The following ESRRG variants were observed in gnomAD, a reference collection of about 807,000 sequenced individuals.
ESRRG encodes the protein estrogen related receptor gamma, also known as estrogen-related receptor gamma.
Under a neutral mutation model 44.0 loss-of-function variants are expected in ESRRG, and 13 were observed. The ratio of observed to expected loss-of-function variants is 0.30; its 90% CI spans 0.19 to 0.47. The LOEUF (loss-of-function observed/expected upper bound fraction) is 0.47, where lower values mean the gene tolerates loss of function less well. Among genes scored for constraint, ESRRG ranks in the 20% least tolerant of loss-of-function variants. The pLI is 1.00. For synonymous variants in ESRRG, 215 were observed against 214.6 expected, an observed-to-expected ratio of 1.00 and a Z score of -0.02; for missense variants, 395 against 580.6, an observed-to-expected ratio of 0.68 and a Z score of 3.29.
At chr1:216,549,836 C>T (rs893986729) in intron 5 of ESRRG, among the ~76,000 whole-genome samples, 1 of 152,028 alleles carries the variant, frequency 6.6e-6, no homozygotes, top group African/African-American at 2.4e-5. Flanking sequence ...CTGAAGAGTT[C>T]TTGATTGTTT....
At chr1:217,125,631 C>T (rs2092879532) in intron 1 of ESRRG, among the ~76,000 whole-genome samples, 1 of 152,100 alleles carries the variant, frequency 6.6e-6, no homozygotes, top group Non-Finnish European at 1.5e-5. Context: ...CCCAAAGAAC[C>T]AGCTTTGTAA....
intron 1 of ESRRG, among the ~76,000 whole-genome samples, chr1:216,964,880 A>ACAGCC (rs1161165107): frequency 1.3e-5 from 2 of 152,202 alleles, no homozygotes; most frequent in Non-Finnish European, 2.9e-5. Flanking sequence ...ATGAATCTTC[A>ACAGCC]TAGCCTCATT....
intron 2 of ESRRG, among the ~76,000 whole-genome samples, chr1:216,810,595 A>T (rs1311189326): frequency 6.8e-6 from 1 of 147,574 alleles, no homozygotes; most frequent in African/African-American, 2.5e-5. Flanking sequence ...TTATATATAT[A>T]ATATATATAT....
At chr1:216,703,657 A>G (rs1298209407) in intron 1 of ESRRG, among the ~76,000 whole-genome samples, 2 of 78,288 alleles carry the variant, frequency 2.6e-5, no homozygotes, top group East Asian at 1.2e-3. Flanking sequence ...AAAGCTGGAT[A>G]GATGTGTGTG....
At chr1:216,599,305 C>T (rs2058869825) in intron 3 of ESRRG, among the ~76,000 whole-genome samples, 1 of 152,078 alleles carries the variant, frequency 6.6e-6, no homozygotes, top group Non-Finnish European at 1.5e-5. Context: ...AGTATATGTC[C>T]TAACATCTCA....
At chr1:217,107,165 G>A (rs78581549) in intron 1 of ESRRG, among the ~76,000 whole-genome samples, 12,683 of 152,262 alleles carry the variant, frequency 0.083, 724 homozygotes, top group Middle Eastern at 0.13. Flanking sequence ...AAGAAAAAAA[G>A]TGAAATTTGC....
At chr1:216,597,852 G>A (rs2058662896) in intron 3 of ESRRG, among the ~76,000 whole-genome samples, 1 of 152,072 alleles carries the variant, frequency 6.6e-6, no homozygotes, top group South Asian at 2.1e-4. Context: ...ATAAATGAAG[G>A]GGACAGAAAA....
At chr1:217,098,696 C>A (rs1253307216) in intron 1 of ESRRG, among the ~76,000 whole-genome samples, 1 of 152,202 alleles carries the variant, frequency 6.6e-6, no homozygotes, top group African/African-American at 2.4e-5. Context: ...AAACAGGTTC[C>A]TTTCCAGCAG....
chr1:216,933,977 C>T (rs767669971), intron 2 of ESRRG, among the ~76,000 whole-genome samples: 10 of 152,120 alleles, frequency 6.6e-5, no homozygotes, highest in African/African-American at 1.2e-4. Context: ...GTTCCTTGCC[C>T]GATTCTGTTA....
intron 3 of ESRRG, among the ~76,000 whole-genome samples, chr1:216,576,176 A>T (rs961054643): frequency 4.6e-5 from 7 of 151,936 alleles, no homozygotes; most frequent in African/African-American, 1.7e-4. Flanking sequence ...TTTTCCACTA[A>T]ACTCCCCCAG....
At chr1:216,586,941 C>A (rs1353783770) in intron 3 of ESRRG, among the ~76,000 whole-genome samples, 1 of 152,034 alleles carries the variant, frequency 6.6e-6, no homozygotes, top group African/African-American at 2.4e-5. Flanking sequence ...GACATTTTAT[C>A]CTCCTTGAAA....
chr1:216,696,997 A>C (rs1331492642), intron 1 of ESRRG, among the ~76,000 whole-genome samples: 1 of 150,804 alleles, frequency 6.6e-6, no homozygotes, highest in African/African-American at 2.4e-5. Context: ...ACAGAGTCTC[A>C]CTCTGTTGCC....
intron 1 of ESRRG, among the ~76,000 whole-genome samples, chr1:216,944,002 A>T (rs2065685653): frequency 6.6e-6 from 1 of 152,346 alleles, no homozygotes; most frequent in South Asian, 2.1e-4. Flanking sequence ...GATATAATCT[A>T]TGTGATGCAT....
At chr1:217,135,933 G>A (rs1294312994) in intron 1 of ESRRG, among the ~76,000 whole-genome samples, 1 of 152,138 alleles carries the variant, frequency 6.6e-6, no homozygotes, top group African/African-American at 2.4e-5. Flanking sequence ...TTCTGGGGAC[G>A]ACCTTACTCC....
At chr1:216,818,340 G>T (rs1020108740) in intron 2 of ESRRG, among the ~76,000 whole-genome samples, 2 of 152,202 alleles carry the variant, frequency 1.3e-5, no homozygotes, top group African/African-American at 4.8e-5. Context: ...ACCTTCCCTT[G>T]CAGGGAGATG....
intron 2 of ESRRG, among the ~76,000 whole-genome samples, chr1:216,871,454 T>C (rs2096258453): frequency 6.6e-6 from 1 of 152,094 alleles, no homozygotes. Flanking sequence ...TTCCTGTTAC[T>C]GGGTGGAGTG....
At chr1:216,868,899 T>A (rs1429505299) in intron 2 of ESRRG, among the ~76,000 whole-genome samples, 1 of 152,220 alleles carries the variant, frequency 6.6e-6, no homozygotes, top group Non-Finnish European at 1.5e-5. Context: ...CTTTTGCACA[T>A]TTTAAAATTA....
intron 3 of ESRRG, among the ~76,000 whole-genome samples, chr1:216,622,293 A>C (rs1256486673): frequency 6.6e-6 from 1 of 152,218 alleles, no homozygotes; most frequent in Non-Finnish European, 1.5e-5. Context: ...GAACAGTAGA[A>C]ATTTCACTTC....
intron 1 of ESRRG, among the ~76,000 whole-genome samples, chr1:217,080,598 CTT>C (rs1164361024): frequency 6.9e-6 from 1 of 145,466 alleles, no homozygotes; most frequent in Non-Finnish European, 1.5e-5. Context: ...GAAGACATCT[CTT>C]GATTTCTGGG....
Sources: allele counts gnomAD v4.1 joint callset (sites outside exome capture counted in the v4.1 genomes callset), GRCh38; gene constraint gnomAD v4.1.1; transcripts MANE v1.5; gene names NCBI Gene and HGNC (gene_info 2026-07-23, HGNC 2026-07-21).